The following TRMT2A variants were observed in gnomAD, a reference collection of about 807,000 sequenced individuals.
TRMT2A encodes the protein tRNA methyltransferase 2A.
TRMT2A carries 60 observed loss-of-function variants against 59.3 expected under a neutral mutation model. That is an observed-to-expected ratio of 1.01 (90% CI 0.82 to 1.26). The LOEUF (loss-of-function observed/expected upper bound fraction) is 1.26, where lower values mean the gene tolerates loss of function less well. Among genes scored for constraint, TRMT2A ranks in the 50% most tolerant of loss-of-function variants. The pLI is 0.00. For synonymous variants in TRMT2A, 403 were observed against 353.7 expected (o/e 1.14, Z -1.56); for missense variants, 863 against 845.2 (o/e 1.02, Z -0.26).
intron 10 of TRMT2A, 40 bp downstream of exon 10, chr22:20,113,078 C>T (rs904719011): frequency 8.1e-6 from 13 of 1,609,968 alleles, no homozygotes; most frequent in Middle Eastern, 1.6e-4. Flanking sequence ...CCCCATGTGT[C>T]CTCGTTCCCG....
rs1005499939 is a variant in TRMT2A, at chr22:20,113,483, C to A, written c.1381G>T (p.Glu461Ter). The A allele has an allele frequency of 6.2e-7, 1 of 1,613,292 alleles. No homozygotes were observed. Among genetic ancestry groups the A allele is most frequent in the Non-Finnish European group, 8.5e-7 (1 of 1,179,936 alleles). ...ARKVKRVIGV[E>*]LCPEAVEDAR... ...TCCTCCACAGCCTCTGGGCATAGCTCGACCCCAATGACCCTCTTTACCTTC... is the reference window on the plus strand; with the variant it reads ...TCCTCCACAGCCTCTGGGCATAGCTAGACCCCAATGACCCTCTTTACCTTC... Residue 461 changes from glutamate (E) to a stop codon, truncating the protein, a stop_gained, in exon 9 of 12, where the codon GAG becomes TAG. Transcript: ENST00000252136. LOFTEE classifies it high-confidence loss of function.
rs1425874572 is a variant in TRMT2A at position 20,112,597 on chromosome 22, G to T, written c.1844C>A (p.Thr615Asn). The stretch of plus-strand genomic sequence containing the variant: ...GGGGAAGGTCCCAGTTTCTTGTAGG[G>T]TGTTATCTGGGGGTCCTGGTGTGGG... ...AQPTPGPPDN[T>N]LQETGTFPSS Residue 615 changes from threonine (T) to asparagine (N), a missense_variant, in exon 12 of 12, where the codon ACC (threonine) becomes AAC (asparagine). Coordinates refer to ENST00000252136, the MANE Select transcript of TRMT2A (RefSeq NM_022727.6). 2 of 1,614,070 alleles carry T rather than the reference G, an allele frequency of 1.2e-6. No individual in the cohort carries two copies. The highest frequency in any genetic ancestry group is 4.5e-5 in the East Asian group (2 of 44,894).
Position 20,115,730 on chromosome 22 carries a change from C to T in TRMT2A, c.650G>A (p.Arg217Lys), listed in dbSNP as rs139069425. The T allele has an allele frequency of 3.1e-6, 5 of 1,612,800 alleles. No homozygotes were observed. The African/African-American group carries it at 6.7e-5, about 21-fold the overall frequency. ...RALLPWLLEQRHKHNKACCPL... is the reference protein window; with the variant it reads ...RALLPWLLEQKHKHNKACCPL... ...GCAGCAGGCCTTGTTGTGCTTGTGCCTCTGCTCGAGCAGCCAGGGCAGCAA... is the reference window on the plus strand; with the variant it reads ...GCAGCAGGCCTTGTTGTGCTTGTGCTTCTGCTCGAGCAGCCAGGGCAGCAA... Residue 217 changes from arginine (R) to lysine (K), a missense_variant, in exon 3 of 12, where the codon AGG becomes AAG. Transcript: ENST00000252136.
At chr22:20,116,829 C>A in intron 1 of TRMT2A, 54 bp downstream of exon 1, 1 of 1,512,706 alleles carries the variant, frequency 6.6e-7, no homozygotes, top group East Asian at 2.4e-5. Context: ...CCTGACCCAC[C>A]CCGCCTCCTC....
At position 20,114,956 on chromosome 22, in the gene TRMT2A, C is replaced by G. The variant is rs1207930184; in HGVS notation, c.1005+9G>C. On this transcript the variant is annotated intron_variant, in intron 5 of 11. Coordinates refer to ENST00000252136, the MANE Select transcript of TRMT2A (RefSeq NM_022727.6). ...AGGCACCCTCCCCCAGCAGGGCCCC[C>G]GTTGAGACCTGGGGGTGGAAGTAGG... The G allele has an allele frequency of 4.4e-6, 7 of 1,580,924 alleles. No homozygotes were observed. Among genetic ancestry groups the G allele is most frequent in the Non-Finnish European group, 6.0e-6 (7 of 1,164,648 alleles).
Position 20,112,702 on chromosome 22 carries a change from C to T in TRMT2A, c.1739G>A (p.Cys580Tyr), listed in dbSNP as rs201744693. Residue 580 changes from cysteine to tyrosine, a missense_variant, in exon 12 of 12, where the codon TGT (cysteine) becomes TAT (tyrosine). By Grantham distance (194) the Cys-to-Tyr change is radical. Transcript: ENST00000252136. ...AVDLFPQTPH[C>Y]EMLILFERVE... is the part of the protein sequence containing the mutation. ...CCTCTCAAACAGGATGAGCATCTCA[C>T]AGTGCGGGGTCTGCGGGAACAGGTC... 83 of 1,613,930 alleles carry T rather than the reference C, an allele frequency of 5.1e-5. No individual in the cohort carries two copies. Among genetic ancestry groups the T allele is most frequent in the Non-Finnish European group, 1.1e-5 (13 of 1,180,038 alleles).
In TRMT2A at chr22:20,116,324, G is replaced by A. The variant is rs531731507; in HGVS notation, c.313C>T (p.Leu105Phe). 1.2e-6 allele frequency: 2 copies of A among 1,612,986 alleles called. No individual in the cohort carries two copies. The highest frequency in any genetic ancestry group is 1.3e-5 in the African/African-American group (1 of 75,080). ...AAGGCGCAGGGTGGTTGCCCAAAGA[G>A]TTTGGTTTTGTGGGGCTGCAGACCA... is the stretch of plus-strand genomic sequence containing the variant. ...RFGLQPHKTK[L>F]FGQPPCAFVT... Residue 105 changes from leucine to phenylalanine, a missense_variant, in exon 2 of 12, where the codon CTC becomes TTC. Physicochemically the swap from Leu to Phe is conservative, Grantham distance 22. Coordinates refer to ENST00000252136, the MANE Select transcript of TRMT2A (RefSeq NM_022727.6).
intron 7 of TRMT2A, among the ~76,000 whole-genome samples, chr22:20,114,151 A>G (rs1003959093): frequency 7.9e-5 from 12 of 152,000 alleles, no homozygotes; most frequent in Admixed American, 3.3e-4. Context: ...GAATCACCCA[A>G]CTGCAGCTCC....
chr22:20,117,063 C>T lies in TRMT2A; in HGVS notation c.-157G>A. The T allele has an allele frequency of 5.3e-6, 5 of 941,710 alleles. No homozygotes were observed. In the South Asian group the frequency reaches 6.5e-5, roughly 12 times the overall value. The allele number at this position is 941,710 out of a possible 1,614,324, so 58.3% of individuals were successfully genotyped here. On this transcript the variant is annotated 5_prime_UTR_variant, in exon 1 of 12. Transcript: ENST00000252136. ...GCAACGCCGCGAGGTCGCCGCCACC[C>T]CCGGCTTCGCCCCAGGCGGGGCGGG...
rs2147960054 is a variant in TRMT2A, at chr22:20,114,677, G to A, written c.1130C>T (p.Pro377Leu). 6.2e-7 allele frequency: 1 copy of A among 1,613,456 alleles called. No individual in the cohort carries two copies. Among genetic ancestry groups the A allele is most frequent in the East Asian group, 2.2e-5 (1 of 44,880 alleles). The change falls in exon 7 of 12, where the codon CCT becomes CTT. Residue 377 changes from proline to leucine, a missense_variant. By Grantham distance (98) the Pro-to-Leu change is moderately conservative. Transcript: ENST00000252136. ...YFVEEGQRKT[P>L]SQEGLPLEHV... ...CTCCAGGGGCAGGCCCTCCTGGCTA[G>A]GAGTCTTTCTGTGGGCGAAGGTGCA...
intron 4 of TRMT2A, 78 bp downstream of exon 4, chr22:20,115,188 G>C: frequency 6.3e-7 from 1 of 1,579,560 alleles, no homozygotes; most frequent in Non-Finnish European, 8.6e-7. Context: ...AGGCACTCCA[G>C]AATTCCCGGG....
rs1361549948 is a variant in TRMT2A, at chr22:20,116,446, C to G, written c.191G>C (p.Arg64Thr). The G allele has an allele frequency of 1.2e-6, 2 of 1,612,840 alleles. No individual in the cohort carries two copies. Among genetic ancestry groups the G allele is most frequent in the South Asian group, 1.1e-5 (1 of 91,066 alleles). The change falls in exon 2 of 12, where the codon AGG becomes ACG. Residue 64 changes from arginine (R) to threonine (T), a missense_variant. Physicochemically the swap from Arg to Thr is moderately conservative, Grantham distance 71. Transcript: ENST00000252136. ...GATCTCAGAGGTAAACAAGTCATCCCTGATGTAGCTGTAGAGCCCGGGCTG... is the reference window on the plus strand; with the variant it reads ...GATCTCAGAGGTAAACAAGTCATCCGTGATGTAGCTGTAGAGCCCGGGCTG... ...GPQPGLYSYI[R>T]DDLFTSEIFK...
Position 20,112,377 on chromosome 22 carries a change from A to T in TRMT2A, c.*186T>A. 1.4e-6 allele frequency: 1 copy of T among 733,694 alleles called. No homozygotes were observed. The highest frequency in any genetic ancestry group is 2.2e-6 in the Non-Finnish European group (1 of 453,160). 45.4% of individuals were successfully genotyped at this position (733,694 alleles called of 1,614,324 possible). ...AGGCCCTGGGGATGGGCAACAGGCT[A>T]CAGGAACCCACCTGTCTTCCTGGTC... On this transcript the variant is annotated 3_prime_UTR_variant, in exon 12 of 12. Transcript: ENST00000252136.
Position 20,115,010 on chromosome 22 carries a change from G to T in TRMT2A, c.960C>A (p.Thr320=). Residue 320 remains threonine (T), a synonymous_variant, in exon 5 of 12, where the codon ACC becomes ACA. Transcript: ENST00000252136. ...TGHWKQLTVR[T]SRRHQAMAIA... ...TGGCCATGGCCTGGTGGCGGCGGCTGGTGCGCACAGTCAGCTGCTTCCAGT... is the reference window on the plus strand; with the variant it reads ...TGGCCATGGCCTGGTGGCGGCGGCTTGTGCGCACAGTCAGCTGCTTCCAGT... 6.3e-7 allele frequency: 1 copy of T among 1,599,392 alleles called. No individual in the cohort carries two copies. The highest frequency in any genetic ancestry group is 8.5e-7 in the Non-Finnish European group (1 of 1,175,288).
In TRMT2A at chr22:20,115,083, T is replaced by C; in HGVS notation, c.891-4A>G. 1 of 1,587,128 alleles carries C rather than the reference T, an allele frequency of 6.3e-7. No individual in the cohort carries two copies. Among genetic ancestry groups the C allele is most frequent in the Middle Eastern group, 2.0e-4 (1 of 5,128 alleles). On this transcript the variant is annotated splice_polypyrimidine_tract_variant and splice_region_variant and intron_variant, in intron 4 of 11. Transcript: ENST00000252136. ...GTATGCCGAGTATGGAGTGGACCTG[T>C]GGGAATCACGAGCTGGCCCAAGTGC...
At position 20,112,668 on chromosome 22, in the gene TRMT2A, G is replaced by A. The variant is rs931050969; in HGVS notation, c.1773C>T (p.His591=). Residue 591 remains histidine, a synonymous_variant, in exon 12 of 12, where the codon CAC becomes CAT. Coordinates refer to ENST00000252136, the MANE Select transcript of TRMT2A (RefSeq NM_022727.6). ...EMLILFERVE[H]PNGTGVLGPH... ...GCCCCAAGACCCCTGTGCCATTGGG[G>A]TGCTCCACCCTCTCAAACAGGATGA... is the stretch of plus-strand genomic sequence containing the variant. 4.2e-5 allele frequency: 67 copies of A among 1,613,996 alleles called. No homozygotes were observed. Among genetic ancestry groups the A allele is most frequent in the Non-Finnish European group, 5.3e-5 (62 of 1,180,038 alleles).
chr22:20,114,613 T>A lies in TRMT2A; in HGVS notation c.1194A>T (p.Leu398=). 1 of 1,613,792 alleles carries A rather than the reference T, an allele frequency of 6.2e-7. No individual in the cohort carries two copies. The part of the protein sequence containing the change: ...AGDRCIHEDL[L]GLTFRISPHA... ...GTGGAGAGATCCGGAAGGTCAGCCC[T>A]AGCAGGTCCTCGTGGATGCACCGGT... Residue 398 remains leucine (L), a synonymous_variant, in exon 7 of 12, where the codon CTA becomes CTT. Transcript: ENST00000252136.
intron 7 of TRMT2A, 126 bp from the exon 8 acceptor site, chr22:20,113,934 C>T: frequency 7.6e-7 from 1 of 1,311,416 alleles, no homozygotes; most frequent in Non-Finnish European, 1.0e-6. Context: ...CACCTTGGTG[C>T]CCAACGTCTT....
Position 20,116,562 on chromosome 22 carries a change from G to C in TRMT2A, c.75C>G (p.Ser25Arg). 1.3e-6 allele frequency: 2 copies of C among 1,583,298 alleles called. No individual in the cohort carries two copies. The highest frequency in any genetic ancestry group is 1.7e-6 in the Non-Finnish European group (2 of 1,169,204). The change falls in exon 2 of 12, where the codon AGC (serine) becomes AGG (arginine). Residue 25 changes from serine (S) to arginine (R), a missense_variant. Physicochemically the swap from Ser to Arg is moderately radical, Grantham distance 110 (BLOSUM62 -1). Transcript: ENST00000252136. ...CAGGGGGCACCGAGACGGTAGGGCAGCTCAGGGCACTGCTGCTCTCCTGGC... is the reference window on the plus strand; with the variant it reads ...CAGGGGGCACCGAGACGGTAGGGCACCTCAGGGCACTGCTGCTCTCCTGGC... ...SCGQESSSALSCPTVSVPPAA... is the reference protein window; with the variant it reads ...SCGQESSSALRCPTVSVPPAA...
Sources: gnomAD v4.1 joint callset for allele counts (sites outside exome capture counted in the v4.1 genomes callset) on GRCh38, gnomAD v4.1.1 for gene constraint, MANE v1.5 for transcripts, NCBI Gene and HGNC (gene_info 2026-07-23, HGNC 2026-07-21) for gene names.